The following DVL1 variants were observed in gnomAD, a reference collection of about 807,000 sequenced individuals.
The protein encoded by DVL1 is dishevelled segment polarity protein 1.
Under a neutral mutation model 65.0 loss-of-function variants are expected in DVL1, and 49 were observed. The ratio of observed to expected loss-of-function variants is 0.75; its 90% CI spans 0.60 to 0.96. The LOEUF (loss-of-function observed/expected upper bound fraction) is 0.96, where lower values mean the gene tolerates loss of function less well. Ranked by LOEUF, DVL1 falls within the 40% of genes least tolerant of loss-of-function variation. DVL1 has a pLI of 0.00. For missense variants in DVL1, 1,197 were observed against 1,045.4 expected (o/e 1.15, Z -2.00); for synonymous variants, 608 against 433.9 (o/e 1.40, Z -4.99).
intron 14 of DVL1, chr1:1,337,756 G>A (rs1367615721): frequency 1.4e-6 from 1 of 700,248 alleles, no homozygotes; most frequent in Non-Finnish European, 2.6e-6. Flanking sequence ...GGATCCCCCT[G>A]GCACTTGCCT....
intron 5 of DVL1, 85 bp downstream of exon 5, chr1:1,341,582 C>G (rs1643830417): frequency 7.2e-7 from 1 of 1,379,718 alleles, no homozygotes; most frequent in Admixed American, 2.7e-5. Flanking sequence ...AATGTGAAAA[C>G]ACCTCATGCA....
intron 1 of DVL1, among the ~76,000 whole-genome samples, chr1:1,345,010 C>T (rs1643896299): frequency 6.6e-6 from 1 of 150,848 alleles, no homozygotes; most frequent in African/African-American, 2.5e-5. Context: ...GAGGGAGACT[C>T]GGCCACCCAG....
intron 2 of DVL1, 76 bp from the exon 3 acceptor site, chr1:1,342,560 G>A (rs1208582087): frequency 1.9e-6 from 3 of 1,576,718 alleles, no homozygotes; most frequent in Admixed American, 1.8e-5. Flanking sequence ...AGGGAACAGG[G>A]GGCCAGCAAG....
intron 5 of DVL1, 84 bp downstream of exon 5, chr1:1,341,583 A>C: frequency 1.5e-6 from 2 of 1,374,102 alleles, no homozygotes; most frequent in Non-Finnish European, 1.9e-6. Context: ...ATGTGAAAAC[A>C]CCTCATGCAG....
intron 1 of DVL1, among the ~76,000 whole-genome samples, chr1:1,348,024 C>G (rs1569751315): frequency 1.3e-5 from 2 of 152,246 alleles, no homozygotes; most frequent in South Asian, 4.1e-4. Context: ...CGGCCACACA[C>G]AAGGACACCG....
intron 1 of DVL1, among the ~76,000 whole-genome samples, chr1:1,345,472 T>C (rs1347264315): frequency 6.6e-6 from 1 of 152,118 alleles, no homozygotes; most frequent in African/African-American, 2.4e-5. Context: ...GGCCAGGCAT[T>C]GGGGGCGTAC....
At chr1:1,338,471 G>A in intron 12 of DVL1, 35 bp from the exon 13 acceptor site, 1 of 1,608,868 alleles carries the variant, frequency 6.2e-7, no homozygotes, top group Non-Finnish European at 8.5e-7. Context: ...GCAGCCTCGA[G>A]GCAAGCAGCC....
Position 1,340,055 on chromosome 1 carries a change from CG to C in DVL1, c.891del (p.Gly298AlafsTer7). 1 of 1,612,766 alleles carries C rather than the reference CG, an allele frequency of 6.2e-7. No individual in the cohort carries two copies. Among genetic ancestry groups the C allele is most frequent in the East Asian group, 2.2e-5 (1 of 44,876 alleles). ...GAVAADGRIE[P>X]GDMLLQVNDV... ...AGACACACCTGCAGCAACATGTCGC[CG>C]GGCTCGATGCGGCCGTCAGCGGCCA... On this transcript the variant is annotated frameshift_variant, in exon 8 of 15. Transcript: ENST00000378888. LOFTEE classifies it high-confidence loss of function.
chr1:1,340,820 T>C (rs1314681545), intron 5 of DVL1, among the ~76,000 whole-genome samples: 1 of 108,210 alleles, frequency 9.2e-6, no homozygotes, highest in Non-Finnish European at 1.7e-5. Flanking sequence ...TGCACACACC[T>C]GCACACACAC....
intron 1 of DVL1, among the ~76,000 whole-genome samples, chr1:1,347,625 A>G (rs997767776): frequency 6.6e-6 from 1 of 152,194 alleles, no homozygotes; most frequent in Non-Finnish European, 1.5e-5. Flanking sequence ...CTAAGTCAAA[A>G]ACAAAAGTAC....
intron 5 of DVL1, among the ~76,000 whole-genome samples, chr1:1,340,866 C>T (rs535480441): frequency 3.4e-5 from 5 of 148,358 alleles, no homozygotes; most frequent in East Asian, 2.0e-4. Flanking sequence ...TGCACCCCTG[C>T]GCACAGGCAC....
At chr1:1,342,212 C>G (rs774885182) in intron 3 of DVL1, 56 bp from the exon 4 acceptor site, 1 of 1,512,230 alleles carries the variant, frequency 6.6e-7, no homozygotes, top group Non-Finnish European at 8.9e-7. Context: ...CCTCAGATGC[C>G]GCCCAGCCCA....
intron 14 of DVL1, chr1:1,336,892 G>T: frequency 1.4e-6 from 1 of 715,736 alleles, no homozygotes; most frequent in Non-Finnish European, 1.7e-6. Flanking sequence ...TGTCCCCCCG[G>T]CCCAGGACCC....
intron 12 of DVL1, 24 bp downstream of exon 12, chr1:1,338,498 C>T (rs1490662319): frequency 6.2e-7 from 1 of 1,611,550 alleles, no homozygotes; most frequent in African/African-American, 1.3e-5. Context: ...CTGGCACTAT[C>T]CGCCCGCGGG....
In DVL1 at chr1:1,338,005, G is replaced by A. The variant is rs372304219; in HGVS notation, c.1686C>T (p.Ser562=). 26 of 1,611,672 alleles carry A rather than the reference G, an allele frequency of 1.6e-5. No homozygotes were observed. Among genetic ancestry groups the A allele is most frequent in the Middle Eastern group, 3.4e-4 (2 of 5,956 alleles). The stretch of plus-strand genomic sequence containing the variant: ...CACTCTGCTGACTCCCGGTGCTGCC[G>A]CTGCCATAGCTAAAGCCCGGGTCCT... The part of the protein sequence containing the change: ...AYQDPGFSYG[S]GSTGSQQSEG... Residue 562 remains serine (S), a synonymous_variant, in exon 14 of 15, where the codon AGC becomes AGT. Coordinates refer to ENST00000378888, the MANE Select transcript of DVL1 (RefSeq NM_001330311.2).
Position 1,339,606 on chromosome 1 carries a change from G to A in DVL1, c.1030C>T (p.Arg344Ter), listed in dbSNP as rs766435841. The A allele has an allele frequency of 1.9e-6, 3 of 1,606,868 alleles. No homozygotes were observed. The highest frequency in any genetic ancestry group is 1.3e-5 in the African/African-American group (1 of 74,882). ...TVAKCWDPTP[R>*]SYFTVPRADP... ...CCCCGTGGGACGGTGAAGTAGCTTC[G>A]GGGCGTTGGGTCCCAGCACTTGGCC... The change falls in exon 10 of 15, where the codon CGA (arginine) becomes TGA (stop). Residue 344 changes from arginine to a stop codon, truncating the protein, a stop_gained. Transcript: ENST00000378888. LOFTEE classifies it high-confidence loss of function.
In DVL1 at chr1:1,340,429, C is replaced by CGCT; in HGVS notation, c.677_679dup (p.Gln226dup). On this transcript the variant is annotated inframe_insertion, in exon 6 of 15. Coordinates refer to ENST00000378888, the MANE Select transcript of DVL1 (RefSeq NM_001330311.2). Reference sequence around the variant, plus strand: ...GCCTACCCGGTCCGCCTGCCGAAGGCGCTGCTTCCTCCGCCGGCGTTTGTG... The same window carrying CGCT: ...GCCTACCCGGTCCGCCTGCCGAAGGCGCTGCTGCTTCCTCCGCCGGCGTTTGTG... 1 of 1,612,492 alleles carries CGCT rather than the reference C, an allele frequency of 6.2e-7. No homozygotes were observed. The highest frequency in any genetic ancestry group is 8.5e-7 in the Non-Finnish European group (1 of 1,179,468).
Position 1,335,940 on chromosome 1 carries a change from G to C in DVL1, c.*202C>G. On this transcript the variant is annotated 3_prime_UTR_variant, in exon 15 of 15. Coordinates refer to ENST00000378888, the MANE Select transcript of DVL1 (RefSeq NM_001330311.2). ...AGGCTCTCGCTGAGGGGCAGAGAGG[G>C]AGCGCCCCCAACACGGCTGCTCAGA... 1.5e-6 allele frequency: 1 copy of C among 662,116 alleles called. No homozygotes were observed. Among genetic ancestry groups the C allele is most frequent in the Admixed American group, 3.0e-5 (1 of 33,830 alleles). 41.0% of individuals were successfully genotyped at this position (662,116 alleles called of 1,614,324 possible). A position where few individuals can be genotyped will look rare whatever the true frequency, so the allele number is the denominator to read the frequency against.
rs758335347 is a variant in DVL1 at position 1,336,337 on chromosome 1, G to A, written c.1893C>T (p.Arg631=). 1 of 1,590,848 alleles carries A rather than the reference G, an allele frequency of 6.3e-7. No homozygotes were observed. Among genetic ancestry groups the A allele is most frequent in the South Asian group, 1.1e-5 (1 of 89,960 alleles). ...CCGGGGCGGTAGCCGAGGCCTGACT[G>A]CGTGGGCTGCTGCCACGGCTGAGCT... The part of the protein sequence containing the change: ...AGQLSRGSSP[R]SQASATAPGL... Residue 631 remains arginine (R), a synonymous_variant, in exon 15 of 15, where the codon CGC becomes CGT. Transcript: ENST00000378888.
Sources: gnomAD v4.1 joint callset for allele counts (sites outside exome capture counted in the v4.1 genomes callset) on GRCh38, gnomAD v4.1.1 for gene constraint, MANE v1.5 for transcripts, NCBI Gene and HGNC (gene_info 2026-07-23, HGNC 2026-07-21) for gene names.